The following IL31RA variants were observed in gnomAD, a reference collection of about 807,000 sequenced individuals.
The protein encoded by IL31RA is interleukin-31 receptor subunit alpha.
IL31RA carries 66 observed loss-of-function variants against 83.7 expected under a neutral mutation model. That is an observed-to-expected ratio of 0.79 (90% confidence interval 0.65 to 0.97). The LOEUF is 0.97. Ranked by LOEUF, IL31RA falls within the 50% of genes least tolerant of loss-of-function variation. IL31RA has a pLI of 0.00. For missense variants in IL31RA, 798 were observed against 919.4 expected (o/e 0.87, Z 1.71); for synonymous variants, 325 against 329.0 (o/e 0.99, Z 0.13).
intron 2 of IL31RA, among the ~76,000 whole-genome samples, chr5:55,867,306 T>TGC (rs1746239870): frequency 7.7e-6 from 1 of 129,582 alleles, no homozygotes; most frequent in African/African-American, 3.5e-5. Context: ...TGTGTGTGCG[T>TGC]GTGTGTGTGT....
At position 55,918,459 on chromosome 5, in the gene IL31RA, A is replaced by G. The variant is rs201269150; in HGVS notation, c.*1339A>G. On this transcript the variant is annotated 3_prime_UTR_variant, in exon 15 of 15. Transcript: ENST00000652347. ...TGACACTTCAAAGTAACCTCAGCCC[A>G]GTATGATGATTTCTGAGTTGCCGTA... is the stretch of plus-strand genomic sequence containing the variant. Among the ~76,000 whole-genome samples the G allele has an allele frequency of 4.3e-4, 65 of 152,322 alleles. No individual in the cohort carries two copies. In the East Asian group the frequency reaches 9.6e-3, roughly 23 times the overall value.
rs746001636 is a variant in IL31RA at position 55,916,983 on chromosome 5, C to T, written c.2158C>T (p.Leu720Phe). The change falls in exon 15 of 15, where the codon CTC becomes TTC. Residue 720 changes from leucine to phenylalanine, a missense_variant. Leu to Phe is a conservative substitution (Grantham distance 22). Transcript: ENST00000652347. Reference sequence around the variant, plus strand: ...CCGCCCAGAAGCCAAAGAGCAGCTTCTCTTTTCTGGTCAAAGTTTAGTACC... The same window carrying T: ...CCGCCCAGAAGCCAAAGAGCAGCTTTTCTTTTCTGGTCAAAGTTTAGTACC... ...GTRPEAKEQLLFSGQSLVPDH... is the reference protein window; with the variant it reads ...GTRPEAKEQLFFSGQSLVPDH... 5.6e-6 allele frequency: 9 copies of T among 1,614,028 alleles called. No homozygotes were observed. The African/African-American group carries it at 8.0e-5, about 14-fold the overall frequency.
chr5:55,891,231 C>T (rs1747967807), intron 6 of IL31RA, among the ~76,000 whole-genome samples: 1 of 152,180 alleles, frequency 6.6e-6, no homozygotes, highest in Admixed American at 6.5e-5. Flanking sequence ...AGCTCAGGGT[C>T]ACTCAGCATG....
chr5:55,908,153 C>T, intron 10 of IL31RA, 112 bp from the exon 11 acceptor site: 2 of 1,464,400 alleles, frequency 1.4e-6, no homozygotes, highest in South Asian at 1.2e-5. Context: ...CAACCCTCAC[C>T]CGTCGCCTCC....
rs149039009 is a variant in IL31RA at position 55,890,421 on chromosome 5, G to A, written c.772+286G>A. On this transcript the variant is annotated intron_variant, in intron 6 of 14. Transcript: ENST00000652347. ...GTCTTACTCTGTCACCCAGGATGGA[G>A]TGCAGTGATGTGATCTCGGCTCACT... 3.8e-3 allele frequency among the ~76,000 whole-genome samples: 580 copies of A among 152,336 alleles called. 6 individuals are homozygous for A. Among genetic ancestry groups the A allele is most frequent in the African/African-American group, 0.013 (555 of 41,562 alleles).
chr5:55,905,990 G>A (rs1024553251), intron 8 of IL31RA, 116 bp from the exon 9 acceptor site: 12 of 1,007,808 alleles, frequency 1.2e-5, no homozygotes, highest in Non-Finnish European at 1.7e-5. Context: ...AGGCTGCAGT[G>A]GAGATCCTGA....
intron 8 of IL31RA, among the ~76,000 whole-genome samples, chr5:55,901,069 C>A (rs910302767): frequency 1.6e-4 from 25 of 152,228 alleles, no homozygotes; most frequent in Admixed American, 1.6e-3. Flanking sequence ...TTCTAGAATT[C>A]TCTGCCTGTG....
At chr5:55,887,297 C>A (rs149408421) in intron 5 of IL31RA, among the ~76,000 whole-genome samples, 2,173 of 152,318 alleles carry the variant, frequency 0.014, 27 homozygotes, top group South Asian at 0.047. Flanking sequence ...AACCTAAGCT[C>A]AGGTTTTCTG....
intron 11 of IL31RA, 152 bp from the exon 12 acceptor site, chr5:55,910,380 T>C: frequency 1.3e-6 from 1 of 790,732 alleles, no homozygotes; most frequent in South Asian, 1.5e-5. Context: ...CCTTAATCCA[T>C]CTTGATATTT....
intron 2 of IL31RA, 107 bp downstream of exon 2, chr5:55,859,706 G>A (rs1745556122): frequency 1.2e-6 from 1 of 829,656 alleles, no homozygotes; most frequent in African/African-American, 1.7e-5. Flanking sequence ...TCCACAGATA[G>A]AAAAGGGGAC....
At chr5:55,855,667 C>T (rs1432689827) in intron 1 of IL31RA, among the ~76,000 whole-genome samples, 7 of 152,122 alleles carry the variant, frequency 4.6e-5, no homozygotes, top group Non-Finnish European at 8.8e-5. Flanking sequence ...ACTCTATTTC[C>T]TTTGCTTTGG....
intron 5 of IL31RA, 71 bp downstream of exon 5, chr5:55,883,266 G>T (rs1483212419): frequency 1.6e-6 from 2 of 1,280,442 alleles, no homozygotes; most frequent in Non-Finnish European, 1.1e-6. Context: ...AACTATTGTT[G>T]ACCTGGAATC....
intron 12 of IL31RA, among the ~76,000 whole-genome samples, chr5:55,910,901 G>A (rs1054357912): frequency 2.0e-5 from 3 of 152,134 alleles, no homozygotes; most frequent in Non-Finnish European, 2.9e-5. Context: ...CATTTTGGTC[G>A]TTCCTCATGG....
At position 55,872,250 on chromosome 5, in the gene IL31RA, A is replaced by C; in HGVS notation, c.273-20A>C. 1 of 1,577,244 alleles carries C rather than the reference A, an allele frequency of 6.3e-7. No homozygotes were observed. The highest frequency in any genetic ancestry group is 8.7e-7 in the Non-Finnish European group (1 of 1,147,628). ...AAACCATTGTACTAAACTCATGTTG[A>C]ATCACTTTTTCTTTCAAAGCGCTTT... On this transcript the variant is annotated intron_variant, in intron 3 of 14. Transcript: ENST00000652347.
Position 55,908,404 on chromosome 5 carries a change from A to G in IL31RA, c.1494A>G (p.Lys498=). ...TCTTTTACCAAGCTGAAGGTGGAAA[A>G]GGATTCTGTAAGCACGCCCATAGCG... ...YTIFYQAEGG[K]GFSKTVNSSI... The change falls in exon 11 of 15, where the codon AAA becomes AAG. Residue 498 remains lysine, a synonymous_variant. Transcript: ENST00000652347. 6.2e-7 allele frequency: 1 copy of G among 1,614,214 alleles called. No homozygotes were observed. The highest frequency in any genetic ancestry group is 8.5e-7 in the Non-Finnish European group (1 of 1,180,048).
At chr5:55,858,446 T>C (rs1745481117) in intron 1 of IL31RA, among the ~76,000 whole-genome samples, 1 of 152,318 alleles carries the variant, frequency 6.6e-6, no homozygotes, top group South Asian at 2.1e-4. Context: ...AATTGAAATG[T>C]TTCCCTTTGA....
intron 4 of IL31RA, among the ~76,000 whole-genome samples, chr5:55,881,127 C>T (rs1157615563): frequency 6.6e-6 from 1 of 151,954 alleles, no homozygotes; most frequent in Non-Finnish European, 1.5e-5. Context: ...ATGGTGAAAC[C>T]TTGTCTCTAC....
rs894114280 is a variant in IL31RA, at chr5:55,917,976, C to T, written c.*856C>T. On this transcript the variant is annotated 3_prime_UTR_variant, in exon 15 of 15. Transcript: ENST00000652347. ...AGCCCAGGAATGCTTACTTAAAAGGCCTCTTCCCGGAAGCAGCAGGGCAGG... is the reference window on the plus strand; with the variant it reads ...AGCCCAGGAATGCTTACTTAAAAGGTCTCTTCCCGGAAGCAGCAGGGCAGG... 6.6e-6 allele frequency among the ~76,000 whole-genome samples: 1 copy of T among 152,216 alleles called. No individual in the cohort carries two copies. Among genetic ancestry groups the T allele is most frequent in the Admixed American group, 6.5e-5 (1 of 15,284 alleles).
At chr5:55,896,548 T>TCCCTC (rs1275136053) in intron 7 of IL31RA, 119 bp downstream of exon 7, 94 of 465,964 alleles carry the variant, frequency 2.0e-4, no homozygotes, top group Middle Eastern at 1.1e-3. Context: ...TCCCTTCCCT[T>TCCCTC]CCCTCCCCTC....
Sources: gnomAD v4.1 joint callset for allele counts (sites outside exome capture counted in the v4.1 genomes callset) on GRCh38, gnomAD v4.1.1 for gene constraint, MANE v1.5 for transcripts, NCBI Gene and HGNC (gene_info 2026-07-23, HGNC 2026-07-21) for gene names.